AXDND1: variants seen among roughly 807,000 people sequenced by gnomAD.
AXDND1 encodes the protein axonemal dynein light chain domain containing 1.
In AXDND1, 110 loss-of-function variants were observed where a neutral mutation model predicts 137.5. The observed-to-expected ratio is 0.80, with a 90% CI of 0.69 to 0.94. AXDND1 has a LOEUF of 0.94. Ranked by LOEUF, AXDND1 falls within the 40% of genes least tolerant of loss-of-function variation. The probability of loss-of-function intolerance (pLI) is 0.00; values close to 1 mark genes in which losing one functional copy is unlikely to be tolerated. For missense variants in AXDND1, 1,191 were observed against 1,169.8 expected (o/e 1.02, Z -0.26); for synonymous variants, 414 against 399.7 (o/e 1.04, Z -0.43).
At chr1:179,476,218 T>C (rs1664606302) in intron 17 of AXDND1, among the ~76,000 whole-genome samples, 1 of 152,206 alleles carries the variant, frequency 6.6e-6, no homozygotes, top group East Asian at 1.9e-4. Context: ...TACATTGTTA[T>C]AATTATAAAT....
At chr1:179,438,093 A>G (rs1658478473) in intron 15 of AXDND1, among the ~76,000 whole-genome samples, 1 of 152,208 alleles carries the variant, frequency 6.6e-6, no homozygotes, top group African/African-American at 2.4e-5. Flanking sequence ...CAGAGGTTGC[A>G]GTGAGCCAAG....
At chr1:179,542,589 AATTTGAAAACTGGACC>A (rs1473321139) in intron 25 of AXDND1, among the ~76,000 whole-genome samples, 5 of 152,220 alleles carry the variant, frequency 3.3e-5, no homozygotes, top group Non-Finnish European at 5.9e-5. Flanking sequence ...TTATCCTGAT[AATTTGAAAACTGGACC>A]TTTTCTAGAT....
chr1:179,404,986 A>G (rs1421490620), intron 11 of AXDND1, among the ~76,000 whole-genome samples: 1 of 151,910 alleles, frequency 6.6e-6, no homozygotes, highest in Non-Finnish European at 1.5e-5. Flanking sequence ...TATATGTGCC[A>G]TGGTGGTTTG....
At chr1:179,514,667 G>A (rs1391143829) in intron 21 of AXDND1, among the ~76,000 whole-genome samples, 1 of 152,056 alleles carries the variant, frequency 6.6e-6, no homozygotes, top group Non-Finnish European at 1.5e-5. Context: ...GTGGAGTATT[G>A]AAGTCCCCCA....
intron 16 of AXDND1, among the ~76,000 whole-genome samples, chr1:179,457,868 T>A (rs536137877): frequency 6.6e-6 from 1 of 152,366 alleles, no homozygotes; most frequent in South Asian, 2.1e-4. Context: ...AGGCTGTTGT[T>A]ACTTGATTGA....
Position 179,470,265 on chromosome 1 carries a change from T to G in AXDND1, c.1997+1624T>G, listed in dbSNP as rs60876439. Among the ~76,000 whole-genome samples, 687 of 152,292 alleles carry G rather than the reference T, an allele frequency of 4.5e-3. 4 individuals carry two copies. The highest frequency in any genetic ancestry group is 0.015 in the African/African-American group (631 of 41,592). On this transcript the variant is annotated intron_variant, in intron 17 of 25. Coordinates refer to ENST00000367618, the MANE Select transcript of AXDND1 (RefSeq NM_144696.6). ...GGAAATGTGAGTCTTTCTACTTGAC[T>G]CTTCTTTTACAGGATTATTTTGGCT... is the stretch of plus-strand genomic sequence containing the variant.
chr1:179,545,205 C>T (rs1672533198), intron 25 of AXDND1: 3 of 152,208 alleles, frequency 2.0e-5, no homozygotes, highest in Admixed American at 6.5e-5. Context: ...TATCTCTGAA[C>T]ACCTGTGGCA....
chr1:179,553,223 G>A (rs1673578743), intron 25 of AXDND1, among the ~76,000 whole-genome samples: 2 of 152,178 alleles, frequency 1.3e-5, no homozygotes, highest in Admixed American at 6.5e-5. Flanking sequence ...GTTAAATACG[G>A]AGTTACCATG....
chr1:179,480,361 C>T (rs1164372916), intron 17 of AXDND1, among the ~76,000 whole-genome samples: 2 of 152,094 alleles, frequency 1.3e-5, no homozygotes, highest in African/African-American at 4.8e-5. Flanking sequence ...AAAGGGGTTC[C>T]CCTTATAAAA....
chr1:179,408,968 CTTTTTTT>C lies in AXDND1; in HGVS notation c.1110-2163_1110-2157del, dbSNP rs74384865. On this transcript the variant is annotated intron_variant, in intron 11 of 25. Transcript: ENST00000367618. ...TAAAGTGTGTTTTCTTTTTTTCTTTCTTTTTTTTTTTTTTTTTTTTTGCCAAAAATGA... is the reference window on the plus strand; with the variant it reads ...TAAAGTGTGTTTTCTTTTTTTCTTTCTTTTTTTTTTTTTTGCCAAAAATGA... Among the ~76,000 whole-genome samples, 164 of 126,380 alleles carry C rather than the reference CTTTTTTT, an allele frequency of 1.3e-3. 1 individual carries two copies. The highest frequency in any genetic ancestry group is 2.3e-3 in the African/African-American group (75 of 32,316). The allele number at this position is 126,380 out of a possible 152,430, so 82.9% of individuals were successfully genotyped here.
At chr1:179,552,847 C>T in intron 25 of AXDND1, 1 of 674,866 alleles carries the variant, frequency 1.5e-6, no homozygotes, top group Non-Finnish European at 2.7e-6. Context: ...GTAGGCAGAT[C>T]TCCAAGGTCG....
Position 179,366,544 on chromosome 1 carries a change from ACT to A in AXDND1, c.38_39del (p.Ser13TyrfsTer5), listed in dbSNP as rs1198091206. 6 of 1,613,746 alleles carry A rather than the reference ACT, an allele frequency of 3.7e-6. No individual in the cohort carries two copies. The highest frequency in any genetic ancestry group is 5.1e-6 in the Non-Finnish European group (6 of 1,179,818). ...CCGAAAACGCCCTCCACCCCGCTAA[ACT>A]CTACATCAACATCTGAGAGCAAAAA... On this transcript the variant is annotated frameshift_variant, in exon 2 of 26. Coordinates refer to ENST00000367618, the MANE Select transcript of AXDND1 (RefSeq NM_144696.6). LOFTEE classifies it high-confidence loss of function.
rs1667733801 is a variant in AXDND1 at position 179,368,830 on chromosome 1, TG to T, written c.130del (p.Val44TrpfsTer24). The T allele has an allele frequency of 1.2e-6, 2 of 1,613,194 alleles. No homozygotes were observed. The highest frequency in any genetic ancestry group is 1.7e-6 in the Non-Finnish European group (2 of 1,179,698). On this transcript the variant is annotated frameshift_variant, in exon 3 of 26. Transcript: ENST00000367618. LOFTEE classifies it high-confidence loss of function. The part of the protein sequence containing the change: ...GLPELKEKKN[M>X]VDRSKLLPTS... Reference sequence around the variant, plus strand: ...CCTGAGCTAAAGGAGAAAAAAAATATGGTGGATCGTTCAAAACTCCTTCCTA... The same window carrying T: ...CCTGAGCTAAAGGAGAAAAAAAATATGTGGATCGTTCAAAACTCCTTCCTA...
chr1:179,485,846 G>C (rs1006918085), intron 18 of AXDND1, among the ~76,000 whole-genome samples: 1 of 152,054 alleles, frequency 6.6e-6, no homozygotes, highest in Non-Finnish European at 1.5e-5. Context: ...CACCAGGCGC[G>C]GTGGCTTATG....
At chr1:179,533,995 G>T in intron 24 of AXDND1, 118 bp downstream of exon 24, 1 of 758,030 alleles carries the variant, frequency 1.3e-6, no homozygotes, top group Non-Finnish European at 2.2e-6. Flanking sequence ...TCCACATTAG[G>T]GGGATGTGTA....
intron 21 of AXDND1, 83 bp downstream of exon 21, chr1:179,509,486 A>G: frequency 3.4e-6 from 3 of 878,880 alleles, no homozygotes; most frequent in Middle Eastern, 2.3e-4. Context: ...TTTCCAATCA[A>G]TGTTCTGAAT....
At chr1:179,390,963 C>A (rs1650074843) in intron 9 of AXDND1, among the ~76,000 whole-genome samples, 1 of 152,060 alleles carries the variant, frequency 6.6e-6, no homozygotes, top group South Asian at 2.1e-4. Context: ...TGCACCATGA[C>A]ACCTGGCTAA....
At chr1:179,419,106 G>C (rs1334250840) in intron 12 of AXDND1, among the ~76,000 whole-genome samples, 1 of 151,404 alleles carries the variant, frequency 6.6e-6, no homozygotes, top group African/African-American at 2.4e-5. Context: ...GATGGCGGCC[G>C]GGCAGAGACG....
At chr1:179,533,345 C>G (rs1671201665) in intron 23 of AXDND1, among the ~76,000 whole-genome samples, 7 of 152,112 alleles carry the variant, frequency 4.6e-5, no homozygotes. Context: ...ATGAAGTCCC[C>G]TAAGGAATTT....
Sources: allele counts gnomAD v4.1 joint callset (sites outside exome capture counted in the v4.1 genomes callset), GRCh38; gene constraint gnomAD v4.1.1; transcripts MANE v1.5; gene names NCBI Gene and HGNC (gene_info 2026-07-23, HGNC 2026-07-21).